ADAMTS12: variants seen among roughly 807,000 people sequenced by gnomAD.
ADAMTS12 encodes A disintegrin and metalloproteinase with thrombospondin motifs 12.
In ADAMTS12, 118 loss-of-function variants were observed where a neutral mutation model predicts 167.8. The ratio of observed to expected loss-of-function variants is 0.70; its 90% CI spans 0.61 to 0.82. The LOEUF is 0.82. Ranked by LOEUF, ADAMTS12 falls within the 40% of genes least tolerant of loss-of-function variation. The probability of loss-of-function intolerance (pLI) is 0.00; values close to 1 mark genes in which losing one functional copy is unlikely to be tolerated. For synonymous variants in ADAMTS12, 704 were observed against 716.9 expected, an observed-to-expected ratio of 0.98 and a Z score of 0.29; for missense variants, 1,916 against 1,998.8, an observed-to-expected ratio of 0.96 and a Z score of 0.79.
rs183980093 is a variant in ADAMTS12, at chr5:33,533,007, G to A, written c.4606+1826C>T. The stretch of plus-strand genomic sequence containing the variant: ...AGGCATGGCTCTGCCTTCAAAAGAA[G>A]CTAGTAATTAACTTTTGTGGCCCTG... On this transcript the variant is annotated intron_variant, in intron 23 of 23. Transcript: ENST00000504830. Among the ~76,000 whole-genome samples the A allele has an allele frequency of 3.7e-4, 57 of 152,304 alleles. No homozygotes were observed. In the East Asian group the frequency reaches 0.011, roughly 29 times the overall value.
chr5:33,783,924 A>G (rs1746236958), intron 2 of ADAMTS12, among the ~76,000 whole-genome samples: 1 of 151,968 alleles, frequency 6.6e-6, no homozygotes, highest in Admixed American at 6.6e-5. Context: ...AAACCTGGCT[A>G]ATATCCCTCA....
rs5867201 is a variant in ADAMTS12 at position 33,667,317 on chromosome 5, C to CAA, written c.916-5279_916-5278dup. Among the ~76,000 whole-genome samples, 432 of 78,070 alleles carry CAA rather than the reference C, an allele frequency of 5.5e-3. 6 individuals carry two copies. The highest frequency in any genetic ancestry group is 6.6e-3 in the Middle Eastern group (1 of 152). 51.2% of individuals were successfully genotyped at this position (78,070 alleles called of 152,430 possible). On this transcript the variant is annotated intron_variant, in intron 5 of 23. Coordinates refer to ENST00000504830, the MANE Select transcript of ADAMTS12 (RefSeq NM_030955.4). ...TGGGCAACAGAGTGAGACTCTGTCT[C>CAA]AAAAAAAAAAAAAAAAAAAAAAGAT...
At chr5:33,888,780 A>C (rs1024545537) in intron 1 of ADAMTS12, among the ~76,000 whole-genome samples, 2 of 152,210 alleles carry the variant, frequency 1.3e-5, no homozygotes, top group African/African-American at 4.8e-5. Flanking sequence ...GTTGTGTGCA[A>C]GATTAATATT....
intron 5 of ADAMTS12, among the ~76,000 whole-genome samples, chr5:33,673,489 C>T (rs77682564): frequency 0.047 from 7,144 of 152,136 alleles, 220 homozygotes; most frequent in African/African-American, 0.084. Context: ...TTGTTATCCC[C>T]CTCTCCTCCT....
At chr5:33,696,220 G>C (rs1247968550) in intron 3 of ADAMTS12, among the ~76,000 whole-genome samples, 1 of 151,948 alleles carries the variant, frequency 6.6e-6, no homozygotes, top group Non-Finnish European at 1.5e-5. Context: ...AGGAGATCGA[G>C]ACCATCCTGG....
At chr5:33,631,842 T>C (rs1171072133) in intron 12 of ADAMTS12, among the ~76,000 whole-genome samples, 1 of 152,200 alleles carries the variant, frequency 6.6e-6, no homozygotes, top group Non-Finnish European at 1.5e-5. Context: ...GATGTGTTTA[T>C]TATGGGCAGG....
At chr5:33,617,729 A>G (rs1739098908) in intron 14 of ADAMTS12, among the ~76,000 whole-genome samples, 1 of 152,210 alleles carries the variant, frequency 6.6e-6, no homozygotes, top group South Asian at 2.1e-4. Context: ...CAGGTAAATG[A>G]ACTGGTATGA....
intron 13 of ADAMTS12, among the ~76,000 whole-genome samples, chr5:33,626,435 G>A (rs1739611288): frequency 6.6e-6 from 1 of 150,494 alleles, no homozygotes; most frequent in African/African-American, 2.5e-5. Context: ...ATGTGGTAGT[G>A]ATGGTAGTGA....
At chr5:33,597,543 G>C (rs1187056247) in intron 16 of ADAMTS12, among the ~76,000 whole-genome samples, 1 of 152,144 alleles carries the variant, frequency 6.6e-6, no homozygotes, top group Non-Finnish European at 1.5e-5. Flanking sequence ...GGAACCTGCT[G>C]TCCTACCACC....
chr5:33,528,034 G>C (rs562051085), intron 23 of ADAMTS12, among the ~76,000 whole-genome samples: 13 of 151,306 alleles, frequency 8.6e-5, no homozygotes, highest in South Asian at 2.1e-4. Flanking sequence ...CAACCAATGA[G>C]TGGATACAGG....
intron 5 of ADAMTS12, among the ~76,000 whole-genome samples, chr5:33,674,889 T>G (rs978557972): frequency 2.0e-5 from 3 of 152,172 alleles, no homozygotes; most frequent in Non-Finnish European, 2.9e-5. Flanking sequence ...TGTTTGCCAA[T>G]GTAAAGATAT....
intron 4 of ADAMTS12, 26 bp from the exon 5 acceptor site, chr5:33,683,127 A>ATAAT: frequency 6.5e-7 from 1 of 1,526,918 alleles, no homozygotes; most frequent in Non-Finnish European, 9.0e-7. Flanking sequence ...GAAAACCATT[A>ATAAT]GCTCCACACG....
intron 19 of ADAMTS12, among the ~76,000 whole-genome samples, chr5:33,571,758 T>G (rs1245910817): frequency 1.3e-5 from 2 of 148,648 alleles, no homozygotes; most frequent in Non-Finnish European, 3.0e-5. Flanking sequence ...AGAGCAGAAC[T>G]GAAGGAAATA....
intron 9 of ADAMTS12, among the ~76,000 whole-genome samples, chr5:33,647,599 C>T (rs553798101): frequency 5.3e-5 from 8 of 152,218 alleles, no homozygotes; most frequent in African/African-American, 1.7e-4. Flanking sequence ...GCCCTGTTGG[C>T]GCATACCCGT....
At chr5:33,656,037 GT>G (rs979269084) in intron 7 of ADAMTS12, among the ~76,000 whole-genome samples, 2 of 152,002 alleles carry the variant, frequency 1.3e-5, no homozygotes, top group Non-Finnish European at 2.9e-5. Context: ...TTAGTTAGAG[GT>G]TTTTTTAGGA....
intron 2 of ADAMTS12, among the ~76,000 whole-genome samples, chr5:33,840,943 C>T (rs556885813): frequency 6.6e-6 from 1 of 152,224 alleles, no homozygotes; most frequent in African/African-American, 2.4e-5. Flanking sequence ...TAGTGCAGTG[C>T]TCAAATCAAC....
At chr5:33,542,066 C>T (rs955517159) in intron 22 of ADAMTS12, among the ~76,000 whole-genome samples, 1 of 151,984 alleles carries the variant, frequency 6.6e-6, no homozygotes, top group South Asian at 2.1e-4. Flanking sequence ...GAGTCAAGAC[C>T]CATTGGTGTG....
chr5:33,803,754 C>A (rs1214069757), intron 2 of ADAMTS12, among the ~76,000 whole-genome samples: 2 of 152,150 alleles, frequency 1.3e-5, no homozygotes, highest in Admixed American at 6.5e-5. Context: ...CGGCAGCAGG[C>A]AAGAGGGTGT....
At chr5:33,624,073 C>A (rs539594260) in intron 14 of ADAMTS12, among the ~76,000 whole-genome samples, 158 bp downstream of exon 14, 16 of 152,320 alleles carry the variant, frequency 1.1e-4, no homozygotes, top group African/African-American at 3.8e-4. Flanking sequence ...GCCGAAGAAC[C>A]CTTCCTCCTT....
Sources: allele counts gnomAD v4.1 joint callset (sites outside exome capture counted in the v4.1 genomes callset), GRCh38; gene constraint gnomAD v4.1.1; transcripts MANE v1.5; gene names NCBI Gene and HGNC (gene_info 2026-07-23, HGNC 2026-07-21).